MYT1: variants seen among roughly 807,000 people sequenced by gnomAD.
The protein encoded by MYT1 is myelin transcription factor I.
In MYT1, 23 loss-of-function variants were observed where a neutral mutation model predicts 123.0. The observed-to-expected ratio is 0.19, with a 90% confidence interval of 0.13 to 0.26. The LOEUF (loss-of-function observed/expected upper bound fraction) is 0.26. Among genes scored for constraint, MYT1 ranks in the 10% least tolerant of loss-of-function variants. MYT1 has a pLI of 1.00. For missense variants in MYT1, 1,125 were observed against 1,472.5 expected, an observed-to-expected ratio of 0.76 and a Z score of 3.86; for synonymous variants, 518 against 575.3, an observed-to-expected ratio of 0.90 and a Z score of 1.43.
rs1983522686 is a variant in MYT1, at chr20:64,207,646, T to G, written c.450T>G (p.Thr150=). The change falls in exon 7 of 23, where the codon ACT becomes ACG. Residue 150 remains threonine (T), a synonymous_variant. Coordinates refer to ENST00000328439, the MANE Select transcript of MYT1 (RefSeq NM_004535.3). ...HFGSNPIGSA[T]ASSKGSYSSY... is the part of the protein sequence containing the mutation. ...GATCCAACCCCATCGGCAGCGCCAC[T>G]GCCTCCTCCAAGGGCAGCTACAGCA... 6.2e-7 allele frequency: 1 copy of G among 1,613,766 alleles called. No individual in the cohort carries two copies. The highest frequency in any genetic ancestry group is 1.3e-5 in the African/African-American group (1 of 74,902).
At chr20:64,235,564 A>C (rs1252939936) in intron 19 of MYT1, among the ~76,000 whole-genome samples, 1 of 120,334 alleles carries the variant, frequency 8.3e-6, no homozygotes, top group African/African-American at 3.3e-5. Flanking sequence ...TGACCCCGGG[A>C]TGGTCATGGT....
At chr20:64,209,810 A>G (rs1300021451) in intron 7 of MYT1, among the ~76,000 whole-genome samples, 2 of 152,224 alleles carry the variant, frequency 1.3e-5, no homozygotes, top group East Asian at 1.9e-4. Flanking sequence ...GCTCAGGGGA[A>G]AGATGCTAAG....
chr20:64,208,200 G>T lies in MYT1; in HGVS notation c.1004G>T (p.Ser335Ile), dbSNP rs2145716991. 6.2e-7 allele frequency: 1 copy of T among 1,613,970 alleles called. No individual in the cohort carries two copies. The highest frequency in any genetic ancestry group is 8.5e-7 in the Non-Finnish European group (1 of 1,180,018). The part of the protein sequence containing the change: ...APELRGPESP[S>I]PKPEYSVIVE... ...GAGCTCCGGGGCCCAGAATCACCCAGTCCCAAGCCTGAGTACTCTGTTATT... is the reference window on the plus strand; with the variant it reads ...GAGCTCCGGGGCCCAGAATCACCCATTCCCAAGCCTGAGTACTCTGTTATT... The change falls in exon 7 of 23, where the codon AGT (serine) becomes ATT (isoleucine). Residue 335 changes from serine to isoleucine, a missense_variant. Transcript: ENST00000328439. The surrounding 1 kb of genome is among the most constrained non-coding windows in gnomAD (Gnocchi z 5.4).
Position 64,167,581 on chromosome 20 carries a change from C to T in MYT1, c.-99+2842C>T, listed in dbSNP as rs959672168. ...CGGTCAGCCAGACTTTCATGTTACT[C>T]AGGCATCTTGAAGAGTGGATGCTCT... On this transcript the variant is annotated intron_variant, in intron 1 of 22. Transcript: ENST00000328439. The surrounding 1 kb of genome is among the most constrained non-coding windows in gnomAD (Gnocchi z 6.3). Among the ~76,000 whole-genome samples the T allele has an allele frequency of 3.9e-5, 6 of 152,196 alleles. No individual in the cohort carries two copies. Among genetic ancestry groups the T allele is most frequent in the Non-Finnish European group, 8.8e-5 (6 of 68,034 alleles).
chr20:64,218,877 A>C lies in MYT1; in HGVS notation c.1847-34A>C. ...TTCCCCCAGGCACAGCCCCTCCAGTAGTTATGTGAGGAGCACTTCATCCTC... is the reference window on the plus strand; with the variant it reads ...TTCCCCCAGGCACAGCCCCTCCAGTCGTTATGTGAGGAGCACTTCATCCTC... On this transcript the variant is annotated intron_variant, in intron 11 of 22. Transcript: ENST00000328439. This position sits in a 1 kb window ranked among gnomAD's most constrained non-coding sequence, Gnocchi z 4.0. 6.2e-7 allele frequency: 1 copy of C among 1,612,724 alleles called. No individual in the cohort carries two copies. The highest frequency in any genetic ancestry group is 8.5e-7 in the Non-Finnish European group (1 of 1,179,984).
At chr20:64,228,345 A>G (rs1984229523) in intron 18 of MYT1, among the ~76,000 whole-genome samples, 1 of 152,234 alleles carries the variant, frequency 6.6e-6, no homozygotes, top group Non-Finnish European at 1.5e-5. Flanking sequence ...GGTGAGATGC[A>G]GGAGTCAAGG....
intron 1 of MYT1, among the ~76,000 whole-genome samples, chr20:64,177,431 G>A (rs1394163210): frequency 6.6e-6 from 1 of 151,850 alleles, no homozygotes; most frequent in Non-Finnish European, 1.5e-5. Flanking sequence ...TTTTCCCCTC[G>A]GTCCCATTTG....
At chr20:64,226,489 C>T (rs1984172514) in intron 16 of MYT1, among the ~76,000 whole-genome samples, 1 of 152,218 alleles carries the variant, frequency 6.6e-6, no homozygotes, top group Non-Finnish European at 1.5e-5. Flanking sequence ...TGCCTTTGAG[C>T]AGCAGGTGAT....
chr20:64,178,854 G>A lies in MYT1; in HGVS notation c.-98-11209G>A, dbSNP rs796316011. On this transcript the variant is annotated intron_variant, in intron 1 of 22. Coordinates refer to ENST00000328439, the MANE Select transcript of MYT1 (RefSeq NM_004535.3). ...ACGTGGGAGCACTGAGCCGTTATTCGGTGGGATACCCTTCAACGTGGGAGC... is the reference window on the plus strand; with the variant it reads ...ACGTGGGAGCACTGAGCCGTTATTCAGTGGGATACCCTTCAACGTGGGAGC... Among the ~76,000 whole-genome samples, 202 of 106,964 alleles carry A rather than the reference G, an allele frequency of 1.9e-3. 16 individuals are homozygous for A. Among genetic ancestry groups the A allele is most frequent in the South Asian group, 4.9e-3 (11 of 2,256 alleles). 70.2% of individuals were successfully genotyped at this position (106,964 alleles called of 152,430 possible).
At chr20:64,205,488 T>C in intron 5 of MYT1, 65 bp from the exon 6 acceptor site, 1 of 1,585,012 alleles carries the variant, frequency 6.3e-7, no homozygotes, top group Admixed American at 1.7e-5. Context: ...GAGGGGCTCA[T>C]GGGGTGTCTG....
intron 1 of MYT1, among the ~76,000 whole-genome samples, chr20:64,181,538 A>T (rs1458660842): frequency 6.6e-6 from 1 of 152,222 alleles, no homozygotes; most frequent in Admixed American, 6.5e-5. Flanking sequence ...TTCCCAAACA[A>T]GTCCTCCTGT....
At position 64,218,818 on chromosome 20, in the gene MYT1, C is replaced by A; in HGVS notation, c.1847-93C>A. On this transcript the variant is annotated intron_variant, in intron 11 of 22. Coordinates refer to ENST00000328439, the MANE Select transcript of MYT1 (RefSeq NM_004535.3). The surrounding 1 kb of genome is among the most constrained non-coding windows in gnomAD (Gnocchi z 4.0). ...AGTTGTATATCAGCCTGGTGTTGTT[C>A]CCTTTTTGCAGCCAAACCTTTCCCA... The A allele has an allele frequency of 6.6e-7, 1 of 1,514,716 alleles. No homozygotes were observed. The highest frequency in any genetic ancestry group is 9.0e-7 in the Non-Finnish European group (1 of 1,112,364). 93.8% of individuals were successfully genotyped at this position (1,514,716 alleles called of 1,614,324 possible).
chr20:64,199,264 G>A (rs1443045335), intron 3 of MYT1, among the ~76,000 whole-genome samples: 2 of 152,220 alleles, frequency 1.3e-5, no homozygotes, highest in African/African-American at 4.8e-5. Flanking sequence ...ATCAGTCTTG[G>A]TGCTAATGGG....
Position 64,186,080 on chromosome 20 carries a change from G to A in MYT1, c.-98-3983G>A, listed in dbSNP as rs146567515. On this transcript the variant is annotated intron_variant, in intron 1 of 22. Coordinates refer to ENST00000328439, the MANE Select transcript of MYT1 (RefSeq NM_004535.3). This position sits in a 1 kb window ranked among gnomAD's most constrained non-coding sequence, Gnocchi z 4.3. ...TGGAGTCTCTGGCCAGTGAGGGGTG[G>A]TTCCCTCTCCTCTGGACCTTTGTGC... Among the ~76,000 whole-genome samples the A allele has an allele frequency of 4.6e-4, 70 of 152,294 alleles. No homozygotes were observed. Among genetic ancestry groups the A allele is most frequent in the African/African-American group, 1.6e-3 (67 of 41,558 alleles).
Position 64,236,626 on chromosome 20 carries a change from C to T in MYT1, c.2969C>T (p.Pro990Leu). Residue 990 changes from proline to leucine, a missense_variant, in exon 20 of 23, where the codon CCA (proline) becomes CTA (leucine). By Grantham distance (98) the Pro-to-Leu change is moderately conservative. This residue lies in a region of MYT1 where 243 missense variants were observed against 323.1 expected (regional missense o/e 0.75). Coordinates refer to ENST00000328439, the MANE Select transcript of MYT1 (RefSeq NM_004535.3). Reference protein sequence around the residue: ...GKLSGDEVLSPKFKTSDVLEN... With the variant: ...GKLSGDEVLSLKFKTSDVLEN... Reference sequence around the variant, plus strand: ...CTGTCAGGGGATGAGGTCCTCAGTCCAAAGTTCAAGACTAGCGACGGTAAG... The same window carrying T: ...CTGTCAGGGGATGAGGTCCTCAGTCTAAAGTTCAAGACTAGCGACGGTAAG... The T allele has an allele frequency of 6.2e-7, 1 of 1,613,590 alleles. No homozygotes were observed. The highest frequency in any genetic ancestry group is 8.5e-7 in the Non-Finnish European group (1 of 1,179,742).
intron 1 of MYT1, among the ~76,000 whole-genome samples, chr20:64,177,347 T>C (rs1424077681): frequency 6.6e-6 from 1 of 151,766 alleles, no homozygotes; most frequent in East Asian, 1.9e-4. Context: ...ACTCAGCAAG[T>C]CTTCATTTTA....
rs147527374 is a variant in MYT1 at position 64,196,419 on chromosome 20, C to A, written c.1-2443C>A. 6.6e-6 allele frequency among the ~76,000 whole-genome samples: 1 copy of A among 152,356 alleles called. No individual in the cohort carries two copies. Among genetic ancestry groups the A allele is most frequent in the East Asian group, 1.9e-4 (1 of 5,180 alleles). On this transcript the variant is annotated intron_variant, in intron 2 of 22. Coordinates refer to ENST00000328439, the MANE Select transcript of MYT1 (RefSeq NM_004535.3). The surrounding 1 kb of genome is among the most constrained non-coding windows in gnomAD (Gnocchi z 4.3). The stretch of plus-strand genomic sequence containing the variant: ...AGAACTCACCTCTGAAGTGCTTTGA[C>A]TTCTTTCGAAAAGAAAAGTGATGTA...
chr20:64,186,969 G>A lies in MYT1; in HGVS notation c.-98-3094G>A, dbSNP rs192151811. Among the ~76,000 whole-genome samples, 2 of 143,232 alleles carry A rather than the reference G, an allele frequency of 1.4e-5. No homozygotes were observed. The highest frequency in any genetic ancestry group is 2.1e-4 in the East Asian group (1 of 4,664). The allele number at this position is 143,232 out of a possible 152,430, so 94.0% of individuals were successfully genotyped here. On this transcript the variant is annotated intron_variant, in intron 1 of 22. Transcript: ENST00000328439. This position sits in a 1 kb window ranked among gnomAD's most constrained non-coding sequence, Gnocchi z 4.3. ...ACGTGGCTCCGGCATCCACGTTTCC[G>A]TGGAGAGTTTTCCTGTAGCCTGTGG... is the stretch of plus-strand genomic sequence containing the variant.
intron 7 of MYT1, among the ~76,000 whole-genome samples, chr20:64,209,032 C>T (rs1305038541): frequency 3.3e-5 from 5 of 152,164 alleles, no homozygotes; most frequent in African/African-American, 1.2e-4. Context: ...GGGGAGCCAT[C>T]CCCTGATCGC....
Sources: gnomAD v4.1 joint callset for allele counts (sites outside exome capture counted in the v4.1 genomes callset) on GRCh38, gnomAD v4.1.1 for gene constraint, gnomAD v4.1.1 regional missense constraint, Gnocchi (gnomAD v3.1) non-coding constraint, MANE v1.5 for transcripts, NCBI Gene and HGNC (gene_info 2026-07-23, HGNC 2026-07-21) for gene names.